BTD: variants seen among roughly 807,000 people sequenced by gnomAD.
BTD encodes biotinidase, also known as biocytinase.
BTD carries 13 observed loss-of-function variants against 17.7 expected under a neutral mutation model. That is an observed-to-expected ratio of 0.74 (90% CI 0.48 to 1.17). The LOEUF (loss-of-function observed/expected upper bound fraction) is 1.17, where lower values mean the gene tolerates loss of function less well. Among genes scored for constraint, BTD ranks in the 50% most tolerant of loss-of-function variants. The pLI, the probability that BTD is intolerant of heterozygous loss-of-function variation, is 0.00. For synonymous variants in BTD, 240 were observed against 245.2 expected, an observed-to-expected ratio of 0.98 and a Z score of 0.20; for missense variants, 674 against 650.4, an observed-to-expected ratio of 1.04 and a Z score of -0.39.
At chr3:15,707,869 A>G (rs1261638167) in intron 3 of BTD, 18 of 1,570,230 alleles carry the variant, frequency 1.1e-5, no homozygotes, top group Non-Finnish European at 8.7e-7. Context: ...ATCCATATGG[A>G]AGATGCCAGT....
chr3:15,604,084 T>C (rs1388174834), intron 1 of BTD, among the ~76,000 whole-genome samples: 1 of 152,190 alleles, frequency 6.6e-6, no homozygotes, highest in Admixed American at 6.5e-5. Flanking sequence ...TTCTCACAGT[T>C]CCACCAGCAG....
intron 3 of BTD, chr3:15,670,125 T>C (rs1225828153): frequency 1.7e-5 from 15 of 898,500 alleles, no homozygotes; most frequent in Non-Finnish European, 2.5e-5. Context: ...AAACTCTTCC[T>C]CCTAATGCCA....
chr3:15,709,404 A>AG (rs532525520), intron 3 of BTD, among the ~76,000 whole-genome samples: 50 of 151,972 alleles, frequency 3.3e-4, no homozygotes, highest in African/African-American at 9.9e-4. Context: ...TAATTTTTGG[A>AG]GGGGGGGAAG....
At chr3:15,686,426 T>G (rs577173519) in intron 3 of BTD, 7 of 788,024 alleles carry the variant, frequency 8.9e-6, no homozygotes, top group Admixed American at 5.1e-5. Context: ...GAATTTAATA[T>G]GCAAGAATGA....
chr3:15,682,089 T>A (rs1321796854), intron 3 of BTD, among the ~76,000 whole-genome samples: 2 of 151,956 alleles, frequency 1.3e-5, no homozygotes, highest in Admixed American at 6.6e-5. Context: ...GCAAAAAAAA[T>A]ATGAATAAAA....
Position 15,645,804 on chromosome 3 carries a change from T to C in BTD, c.*316T>C, listed in dbSNP as rs2065680799. ...TAAAACAAAAATAAATGTCAGTTTA[T>C]ATTTTACACATCCACAAAGCAGTGG... On this transcript the variant is annotated 3_prime_UTR_variant, in exon 4 of 4. Transcript: ENST00000643237. 3.6e-6 allele frequency: 1 copy of C among 278,684 alleles called. No homozygotes were observed. Among genetic ancestry groups the C allele is most frequent in the Non-Finnish European group, 6.7e-6 (1 of 148,254 alleles). The allele number at this position is 278,684 out of a possible 1,614,324, so 17.3% of individuals were successfully genotyped here. A position where few individuals can be genotyped will look rare whatever the true frequency, so the allele number is the denominator to read the frequency against.
chr3:15,712,360 T>A, exon 4 of BTD: 1 of 720,142 alleles, frequency 1.4e-6, no homozygotes, highest in Non-Finnish European at 2.3e-6. Context: ...GTAATTTGGT[T>A]AAAGTTTGAT....
chr3:15,698,198 G>A (rs2069962676), intron 3 of BTD, among the ~76,000 whole-genome samples: 1 of 152,070 alleles, frequency 6.6e-6, no homozygotes, highest in South Asian at 2.1e-4. Context: ...AGCACTTCAT[G>A]CTAAAAACTC....
chr3:15,720,100 G>A (rs1002265466), intron 4 of BTD, among the ~76,000 whole-genome samples: 1 of 152,132 alleles, frequency 6.6e-6, no homozygotes, highest in African/African-American at 2.4e-5. Context: ...CTAGGCTCAA[G>A]TGATCCTCCT....
intron 2 of BTD, among the ~76,000 whole-genome samples, chr3:15,641,371 C>T (rs2065501493): frequency 6.6e-6 from 1 of 152,230 alleles, no homozygotes; most frequent in Admixed American, 6.5e-5. Context: ...TAAACAAACA[C>T]TGTTGCCACT....
intron 1 of BTD, among the ~76,000 whole-genome samples, chr3:15,608,458 AT>A (rs1007697312): frequency 5.3e-5 from 8 of 152,180 alleles, no homozygotes; most frequent in Non-Finnish European, 8.8e-5. Context: ...TAAGAGATTT[AT>A]CTCAAATGGC....
chr3:15,616,381 C>T (rs552130037), intron 1 of BTD, among the ~76,000 whole-genome samples: 17 of 152,114 alleles, frequency 1.1e-4, no homozygotes, highest in African/African-American at 3.1e-4. Flanking sequence ...TTTGGGAGGC[C>T]GAGGTGGGTG....
Position 15,645,811 on chromosome 3 carries a change from C to A in BTD, c.*323C>A. 4.1e-6 allele frequency: 1 copy of A among 246,720 alleles called. No individual in the cohort carries two copies. Among genetic ancestry groups the A allele is most frequent in the Non-Finnish European group, 7.8e-6 (1 of 127,968 alleles). 15.3% of individuals were successfully genotyped at this position (246,720 alleles called of 1,614,324 possible). On this transcript the variant is annotated 3_prime_UTR_variant, in exon 4 of 4. Transcript: ENST00000643237. ...AAAATAAATGTCAGTTTATATTTTA[C>A]ACATCCACAAAGCAGTGGCTTGGGG...
chr3:15,620,550 A>G (rs1255353620), intron 1 of BTD, among the ~76,000 whole-genome samples: 1 of 152,026 alleles, frequency 6.6e-6, no homozygotes, highest in African/African-American at 2.4e-5. Flanking sequence ...CACTGATTTC[A>G]TATTTTTCAA....
At chr3:15,674,311 T>C (rs1164133358) in intron 3 of BTD, among the ~76,000 whole-genome samples, 1 of 150,454 alleles carries the variant, frequency 6.6e-6, no homozygotes, top group Non-Finnish European at 1.5e-5. Flanking sequence ...ACTTTAGAGG[T>C]GGAGTCAATA....
intron 3 of BTD, among the ~76,000 whole-genome samples, chr3:15,701,538 G>C (rs909977182): frequency 2.6e-5 from 4 of 152,064 alleles, no homozygotes; most frequent in African/African-American, 9.7e-5. Context: ...CAGCTCCTCG[G>C]GAGGCTGAGG....
intron 1 of BTD, among the ~76,000 whole-genome samples, chr3:15,614,120 TC>T (rs2064718988): frequency 2.1e-5 from 3 of 142,650 alleles, no homozygotes; most frequent in South Asian, 4.2e-4. Context: ...CCTCTTTCTT[TC>T]TTTCTTTTTT....
chr3:15,705,406 G>A (rs1469426421), intron 3 of BTD, among the ~76,000 whole-genome samples: 2 of 152,122 alleles, frequency 1.3e-5, no homozygotes, highest in African/African-American at 2.4e-5. Context: ...TTGGGGGAAG[G>A]AATGTGGGAG....
exon 4 of BTD, among the ~76,000 whole-genome samples, chr3:15,710,678 C>T (rs2126055538): frequency 6.6e-6 from 1 of 152,256 alleles, no homozygotes; most frequent in East Asian, 1.9e-4. Context: ...GTTCCAGAGG[C>T]CATGAGTTTT....
Sources: allele counts gnomAD v4.1 joint callset (sites outside exome capture counted in the v4.1 genomes callset), GRCh38; gene constraint gnomAD v4.1.1; transcripts MANE v1.5; gene names NCBI Gene and HGNC (gene_info 2026-07-23, HGNC 2026-07-21).